SLC24A3: variants seen among roughly 807,000 people sequenced by gnomAD.
SLC24A3 encodes solute carrier family 24 member 3, also known as sodium/potassium/calcium exchanger 3.
In SLC24A3, 28 loss-of-function variants were observed where a neutral mutation model predicts 75.8. The observed-to-expected ratio is 0.37, with a 90% CI of 0.27 to 0.51. SLC24A3 has a LOEUF of 0.51. SLC24A3 is among the 20% of genes least tolerant of loss of function. The probability of loss-of-function intolerance (pLI) is 0.94; values close to 1 mark genes in which losing one functional copy is unlikely to be tolerated. For synonymous variants in SLC24A3, 372 were observed against 334.1 expected (o/e 1.11, Z -1.24); for missense variants, 663 against 847.8 (o/e 0.78, Z 2.71).
intron 8 of SLC24A3, among the ~76,000 whole-genome samples, chr20:19,673,135 G>A (rs142449354): frequency 1.2e-4 from 19 of 152,130 alleles, no homozygotes; most frequent in East Asian, 1.2e-3. Context: ...CCCAGGTTCC[G>A]TCTGTCTGTC....
intron 3 of SLC24A3, among the ~76,000 whole-genome samples, chr20:19,535,725 G>T (rs1314700943): frequency 6.6e-6 from 1 of 152,142 alleles, no homozygotes; most frequent in East Asian, 1.9e-4. Context: ...CAAACAAAAA[G>T]AATCTTGGAC....
At chr20:19,648,615 A>G (rs1006209208) in intron 6 of SLC24A3, among the ~76,000 whole-genome samples, 1 of 152,078 alleles carries the variant, frequency 6.6e-6, no homozygotes, top group Non-Finnish European at 1.5e-5. Context: ...GTATATTATC[A>G]TATATAAAAA....
chr20:19,283,287 G>C (rs910194827), intron 2 of SLC24A3: 1 of 152,582 alleles, frequency 6.6e-6, no homozygotes, highest in African/African-American at 2.4e-5. Context: ...GCTTCATGAA[G>C]CTTGCTTGGA....
chr20:19,237,628 T>C (rs1390521418), intron 1 of SLC24A3, among the ~76,000 whole-genome samples: 1 of 152,142 alleles, frequency 6.6e-6, no homozygotes, highest in Non-Finnish European at 1.5e-5. Flanking sequence ...CTGCTCTCCA[T>C]GCATAGGACC....
chr20:19,269,562 G>A (rs1983263823), intron 1 of SLC24A3, among the ~76,000 whole-genome samples: 1 of 152,200 alleles, frequency 6.6e-6, no homozygotes, highest in South Asian at 2.1e-4. Context: ...GTTGCCATCT[G>A]CCCCCCTTTG....
chr20:19,369,194 C>T (rs532536704), intron 2 of SLC24A3, among the ~76,000 whole-genome samples: 4 of 152,122 alleles, frequency 2.6e-5, no homozygotes, highest in African/African-American at 7.2e-5. Flanking sequence ...AGTGGAGGAA[C>T]CTGGCCGCCT....
At chr20:19,639,974 C>G (rs944267792) in intron 6 of SLC24A3, among the ~76,000 whole-genome samples, 1 of 152,254 alleles carries the variant, frequency 6.6e-6, no homozygotes, top group Non-Finnish European at 1.5e-5. Context: ...CCAGCTGGCC[C>G]GCAAGCGCGG....
At chr20:19,408,531 T>A (rs769087247) in intron 2 of SLC24A3, among the ~76,000 whole-genome samples, 20 of 151,912 alleles carry the variant, frequency 1.3e-4, no homozygotes, top group Non-Finnish European at 2.6e-4. Flanking sequence ...CTGGGACTAC[T>A]GGTGCACACC....
rs1180228881 is a variant in SLC24A3, at chr20:19,455,955, T to C, written c.272-59533T>C. On this transcript the variant is annotated intron_variant, in intron 2 of 16. Coordinates refer to ENST00000328041, the MANE Select transcript of SLC24A3 (RefSeq NM_020689.4). ...TGTGTACAAGGAACTGCACCCTGTG[T>C]TGGATATTTTGACATAGATGAATGA... Among the ~76,000 whole-genome samples the C allele has an allele frequency of 2.0e-5, 3 of 152,352 alleles. 1 individual carries two copies. The East Asian group carries it at 5.8e-4, about 29-fold the overall frequency.
intron 2 of SLC24A3, among the ~76,000 whole-genome samples, chr20:19,327,510 A>C (rs1421358264): frequency 1.3e-5 from 2 of 152,226 alleles, no homozygotes; most frequent in Non-Finnish European, 2.9e-5. Context: ...ATGAGACTTC[A>C]CACATTACAA....
chr20:19,269,495 G>A (rs6081556), intron 1 of SLC24A3, among the ~76,000 whole-genome samples: 1,880 of 152,346 alleles, frequency 0.012, 21 homozygotes, highest in Middle Eastern at 0.037. Context: ...TCTGAAAGGC[G>A]ATTTCAATTT....
intron 2 of SLC24A3, among the ~76,000 whole-genome samples, chr20:19,345,127 C>T (rs1447328207): frequency 6.6e-6 from 1 of 152,124 alleles, no homozygotes; most frequent in Non-Finnish European, 1.5e-5. Context: ...GTAATTATAA[C>T]AAGGTTGCAG....
chr20:19,315,868 T>C (rs1984573613), intron 2 of SLC24A3, among the ~76,000 whole-genome samples: 2 of 152,186 alleles, frequency 1.3e-5, no homozygotes, highest in African/African-American at 4.8e-5. Context: ...AAGTTGAAAA[T>C]GCATTTAATA....
chr20:19,317,673 C>T (rs1322282069), intron 2 of SLC24A3, among the ~76,000 whole-genome samples: 2 of 152,160 alleles, frequency 1.3e-5, no homozygotes, highest in Non-Finnish European at 2.9e-5. Flanking sequence ...CAGGTACACT[C>T]ATCTTTGGGG....
intron 2 of SLC24A3, among the ~76,000 whole-genome samples, chr20:19,414,997 T>G (rs1033658247): frequency 3.9e-5 from 6 of 152,256 alleles, no homozygotes; most frequent in Non-Finnish European, 7.3e-5. Context: ...TTTACAGCCT[T>G]ATAGTATGTA....
intron 15 of SLC24A3, among the ~76,000 whole-genome samples, chr20:19,704,313 G>C (rs1447655613): frequency 6.6e-6 from 1 of 152,186 alleles, no homozygotes; most frequent in East Asian, 1.9e-4. Context: ...AGAATTCACT[G>C]AGCATCTACT....
chr20:19,327,821 C>T (rs1449229768), intron 2 of SLC24A3, among the ~76,000 whole-genome samples: 10 of 152,142 alleles, frequency 6.6e-5, no homozygotes, highest in Admixed American at 5.2e-4. Flanking sequence ...TATTGGACAC[C>T]CACTGTGTGT....
intron 2 of SLC24A3, among the ~76,000 whole-genome samples, chr20:19,475,243 G>A (rs1012601378): frequency 2.0e-5 from 3 of 152,124 alleles, no homozygotes; most frequent in East Asian, 3.9e-4. Flanking sequence ...GGAGGCTGAG[G>A]CAGGAGAATG....
intron 6 of SLC24A3, among the ~76,000 whole-genome samples, chr20:19,630,056 AAAGACATAGGTATAAGC>A (rs2031914807): frequency 6.6e-6 from 1 of 152,214 alleles, no homozygotes. Context: ...ATAGAATTTA[AAAGACATAGGTATAAGC>A]AATAACTATA....
Sources: gnomAD v4.1 joint callset for allele counts (sites outside exome capture counted in the v4.1 genomes callset) on GRCh38, gnomAD v4.1.1 for gene constraint, MANE v1.5 for transcripts, NCBI Gene and HGNC (gene_info 2026-07-23, HGNC 2026-07-21) for gene names.